CHRM3: variants seen among roughly 807,000 people sequenced by gnomAD.
CHRM3 encodes the protein cholinergic receptor muscarinic 3, also known as muscarinic acetylcholine receptor M3.
Under a neutral mutation model 41.8 loss-of-function variants are expected in CHRM3, and 11 were observed. The ratio of observed to expected loss-of-function variants is 0.26; its 90% CI spans 0.17 to 0.44. The LOEUF is 0.44. CHRM3 is among the 20% of genes least tolerant of loss of function. CHRM3 has a pLI of 1.00. For missense variants in CHRM3, 571 were observed against 745.4 expected (o/e 0.77, Z 2.72); for synonymous variants, 297 against 301.4 (o/e 0.99, Z 0.15).
At chr1:239,602,092 G>A (rs12117731) in intron 3 of CHRM3, among the ~76,000 whole-genome samples, 4 of 18,388 alleles carry the variant, frequency 2.2e-4, no homozygotes, top group Non-Finnish European at 5.7e-4. Context: ...ATATATACAT[G>A]TGTGTGTGTG....
At chr1:239,539,429 A>C (rs1275698818) in intron 2 of CHRM3, among the ~76,000 whole-genome samples, 1 of 152,148 alleles carries the variant, frequency 6.6e-6, no homozygotes, top group Non-Finnish European at 1.5e-5. Context: ...GACGATTTTG[A>C]GTCTCAGCCG....
intron 1 of CHRM3, among the ~76,000 whole-genome samples, chr1:239,476,365 C>A (rs1193199095): frequency 6.6e-6 from 1 of 151,012 alleles, no homozygotes; most frequent in African/African-American, 2.4e-5. Context: ...ACTTGGGGGG[C>A]TGAGGCAGGA....
At chr1:239,695,256 C>A (rs191510214) in intron 5 of CHRM3, among the ~76,000 whole-genome samples, 1 of 152,026 alleles carries the variant, frequency 6.6e-6, no homozygotes, top group South Asian at 2.1e-4. Context: ...GTGATCCACC[C>A]GCCTCCGCCT....
rs6689688 is a variant in CHRM3 at position 239,514,716 on chromosome 1, G to A, written c.-422+21909G>A. The stretch of plus-strand genomic sequence containing the variant: ...TCTGAACTTAGTGGTGAAGAAATTT[G>A]TCATCAAGCTTCTTTTTCAAGTTTA... On this transcript the variant is annotated intron_variant, in intron 2 of 6. Coordinates refer to ENST00000676153, the MANE Select transcript of CHRM3 (RefSeq NM_001375978.1). Among the ~76,000 whole-genome samples, 569 of 152,178 alleles carry A rather than the reference G, an allele frequency of 3.7e-3. 8 individuals are homozygous for A. Among genetic ancestry groups the A allele is most frequent in the African/African-American group, 0.013 (532 of 41,544 alleles).
intron 5 of CHRM3, among the ~76,000 whole-genome samples, chr1:239,763,525 T>C (rs569632305): frequency 3.9e-5 from 6 of 152,294 alleles, no homozygotes; most frequent in African/African-American, 1.4e-4. Context: ...CGCTCTACAA[T>C]ACTATGTAGA....
chr1:239,549,495 C>CA (rs66834618), intron 3 of CHRM3, among the ~76,000 whole-genome samples: 4,538 of 106,960 alleles, frequency 0.042, 91 homozygotes, highest in East Asian at 0.1. Context: ...ACTAAAAATA[C>CA]AAAAAAAAAA....
In CHRM3 at chr1:239,399,157, T is replaced by C. The variant is rs180880667; in HGVS notation, c.-521+11930T>C. On this transcript the variant is annotated intron_variant, in intron 1 of 6. Transcript: ENST00000676153. ...TGATGATGACTGCTGATAATTATAA[T>C]GAATTATAAGGCTTCAGATTTTCAG... 1.1e-3 allele frequency among the ~76,000 whole-genome samples: 166 copies of C among 152,266 alleles called. 2 individuals carry two copies. Among genetic ancestry groups the C allele is most frequent in the Admixed American group, 2.0e-3 (30 of 15,290 alleles).
chr1:239,571,382 A>C (rs1661810193), intron 3 of CHRM3, among the ~76,000 whole-genome samples: 1 of 152,216 alleles, frequency 6.6e-6, no homozygotes. Flanking sequence ...GATTGAAAAG[A>C]CACGCTGACT....
chr1:239,899,276 AGTGTGTGT>A (rs71168861), intron 6 of CHRM3, among the ~76,000 whole-genome samples: 7 of 134,598 alleles, frequency 5.2e-5, no homozygotes, highest in Non-Finnish European at 9.3e-5. Context: ...TTTTGAACTC[AGTGTGTGT>A]GTGTGTGTGT....
intron 6 of CHRM3, among the ~76,000 whole-genome samples, chr1:239,860,234 A>C (rs1337932866): frequency 1.3e-5 from 2 of 152,214 alleles, no homozygotes; most frequent in South Asian, 4.1e-4. Flanking sequence ...ACTTAATTAC[A>C]TAAACAAGTC....
At chr1:239,570,785 A>C (rs1418903146) in intron 3 of CHRM3, among the ~76,000 whole-genome samples, 1 of 152,170 alleles carries the variant, frequency 6.6e-6, no homozygotes, top group Non-Finnish European at 1.5e-5. Flanking sequence ...TAAGTGACTG[A>C]GAGGTCACCG....
chr1:239,400,981 C>A (rs1349263779), intron 1 of CHRM3, among the ~76,000 whole-genome samples: 4 of 152,224 alleles, frequency 2.6e-5, no homozygotes, highest in African/African-American at 9.6e-5. Context: ...TACCATGTTG[C>A]CTTTTATATA....
chr1:239,533,695 C>T (rs1027846806), intron 2 of CHRM3, among the ~76,000 whole-genome samples: 1 of 137,036 alleles, frequency 7.3e-6, no homozygotes, highest in East Asian at 2.2e-4. Context: ...TGGACCATTG[C>T]ACTCCAGCCT....
In CHRM3 at chr1:239,770,164, A is replaced by G. The variant is rs191314424; in HGVS notation, c.-146-57088A>G. Among the ~76,000 whole-genome samples, 114 of 152,250 alleles carry G rather than the reference A, an allele frequency of 7.5e-4. 1 individual carries two copies. The highest frequency in any genetic ancestry group is 3.4e-3 in the Middle Eastern group (1 of 294). Reference sequence around the variant, plus strand: ...AGTACAGCCGACCTATGGTATTTTCAGATTTATTAGCTTTCATTTCAAGCA... The same window carrying G: ...AGTACAGCCGACCTATGGTATTTTCGGATTTATTAGCTTTCATTTCAAGCA... On this transcript the variant is annotated intron_variant, in intron 5 of 6. Coordinates refer to ENST00000676153, the MANE Select transcript of CHRM3 (RefSeq NM_001375978.1).
intron 5 of CHRM3, among the ~76,000 whole-genome samples, chr1:239,771,365 A>G (rs983016658): frequency 1.3e-5 from 2 of 152,026 alleles, no homozygotes; most frequent in African/African-American, 4.8e-5. Flanking sequence ...TCATTCCCTG[A>G]GACTCCTTGC....
At chr1:239,442,822 C>T (rs572622412) in intron 1 of CHRM3, among the ~76,000 whole-genome samples, 11 of 152,246 alleles carry the variant, frequency 7.2e-5, no homozygotes, top group East Asian at 5.8e-4. Flanking sequence ...GCTCAAGTAG[C>T]GTCTTTTCTG....
At chr1:239,860,937 T>C (rs1675585413) in intron 6 of CHRM3, among the ~76,000 whole-genome samples, 1 of 152,186 alleles carries the variant, frequency 6.6e-6, no homozygotes, top group African/African-American at 2.4e-5. Context: ...TTTCTTACAA[T>C]AACTTTGAGG....
At chr1:239,478,459 A>G (rs1188656066) in intron 1 of CHRM3, among the ~76,000 whole-genome samples, 1 of 152,248 alleles carries the variant, frequency 6.6e-6, no homozygotes, top group Non-Finnish European at 1.5e-5. Flanking sequence ...AGATGCCAGT[A>G]TTATTAGATT....
In CHRM3 at chr1:239,652,416, T is replaced by C. The variant is rs147500106; in HGVS notation, c.-250+20130T>C. Among the ~76,000 whole-genome samples, 228 of 152,350 alleles carry C rather than the reference T, an allele frequency of 1.5e-3. 1 individual carries two copies. Among genetic ancestry groups the C allele is most frequent in the African/African-American group, 5.1e-3 (213 of 41,586 alleles). ...ATCTTGTTTCCTCACCTGTGTGATA[T>C]AATCATAGGTACCTCATAAATACTA... On this transcript the variant is annotated intron_variant, in intron 4 of 6. Coordinates refer to ENST00000676153, the MANE Select transcript of CHRM3 (RefSeq NM_001375978.1).
Sources: allele counts gnomAD v4.1 joint callset (sites outside exome capture counted in the v4.1 genomes callset), GRCh38; gene constraint gnomAD v4.1.1; transcripts MANE v1.5; gene names NCBI Gene and HGNC (gene_info 2026-07-23, HGNC 2026-07-21).